Variants in ENTREP2 observed in about 807,000 individuals in gnomAD.
The protein encoded by ENTREP2 is endosomal transmembrane epsin interactor 2.
At chr15:29,670,333 G>A in the ENTREP2 span, among the ~76,000 whole-genome samples, 2 of 152,172 alleles carry the variant, frequency 1.3e-5, no homozygotes, top group Non-Finnish European at 2.9e-5. Context: ...CTCTGGGGCA[G>A]GACGCATGAA....
chr15:29,285,112 A>G, the ENTREP2 span, among the ~76,000 whole-genome samples: 35 of 152,146 alleles, frequency 2.3e-4, no homozygotes, highest in African/African-American at 8.5e-4. Flanking sequence ...GCTGGTAATT[A>G]AGCTACGTTT....
chr15:29,188,906 C>T, the ENTREP2 span, among the ~76,000 whole-genome samples: 5 of 152,210 alleles, frequency 3.3e-5, no homozygotes, highest in Admixed American at 6.5e-5. Flanking sequence ...AGAGCTTCTG[C>T]GTCAGCGAAC....
chr15:29,368,002 CAA>C, the ENTREP2 span, among the ~76,000 whole-genome samples: 78 of 98,934 alleles, frequency 7.9e-4, no homozygotes, highest in Middle Eastern at 6.2e-3. Context: ...CATATTCAGG[CAA>C]AAAAAAAAAA....
the ENTREP2 span, among the ~76,000 whole-genome samples, chr15:29,673,696 C>T: frequency 6.6e-6 from 1 of 152,166 alleles, no homozygotes; most frequent in African/African-American, 2.4e-5. Flanking sequence ...AGTGTAGTCC[C>T]CAGGCAAGAA....
At chr15:29,493,565 TATG>T in the ENTREP2 span, among the ~76,000 whole-genome samples, 1 of 150,836 alleles carries the variant, frequency 6.6e-6, no homozygotes, top group Non-Finnish European at 1.5e-5. Flanking sequence ...TGCAGTGAGC[TATG>T]ATAACACCAC....
the ENTREP2 span, chr15:29,233,714 A>T: frequency 3.8e-6 from 5 of 1,320,278 alleles, no homozygotes; most frequent in African/African-American, 7.2e-5. Flanking sequence ...TTGCTCATCA[A>T]GTTACATGGA....
chr15:29,234,046 T>C, the ENTREP2 span: 4 of 1,460,770 alleles, frequency 2.7e-6, no homozygotes, highest in Non-Finnish European at 3.8e-6. Context: ...TTCCTCATCC[T>C]CTATTGCTTT....
At chr15:29,621,132 G>A in the ENTREP2 span, among the ~76,000 whole-genome samples, 3 of 151,978 alleles carry the variant, frequency 2.0e-5, no homozygotes, top group Non-Finnish European at 2.9e-5. Context: ...GCTCATGCCT[G>A]TAATCCCAGC....
At chr15:29,466,093 G>A in the ENTREP2 span, among the ~76,000 whole-genome samples, 5 of 152,200 alleles carry the variant, frequency 3.3e-5, no homozygotes, top group African/African-American at 1.2e-4. Context: ...GAAGCTGGAA[G>A]CATATGGTTT....
At chr15:29,547,496 C>T in the ENTREP2 span, among the ~76,000 whole-genome samples, 1 of 152,144 alleles carries the variant, frequency 6.6e-6, no homozygotes, top group Non-Finnish European at 1.5e-5. Flanking sequence ...CATCATTCAT[C>T]ATTAGGGAAA....
chr15:29,306,590 T>A, the ENTREP2 span, among the ~76,000 whole-genome samples: 1 of 151,950 alleles, frequency 6.6e-6, no homozygotes, highest in Non-Finnish European at 1.5e-5. Flanking sequence ...GCCAGGTTTT[T>A]ACACTTGTTT....
the ENTREP2 span, among the ~76,000 whole-genome samples, chr15:29,548,133 T>C: frequency 6.6e-6 from 1 of 152,110 alleles, no homozygotes; most frequent in Admixed American, 6.6e-5. Context: ...ACAGTGTGAA[T>C]ATACTTAACA....
At chr15:29,415,759 T>C in the ENTREP2 span, among the ~76,000 whole-genome samples, 7 of 152,194 alleles carry the variant, frequency 4.6e-5, no homozygotes, top group African/African-American at 1.7e-4. Context: ...CCCCGTCGTC[T>C]CAGCCCACAA....
At chr15:29,160,395 G>A in the ENTREP2 span, among the ~76,000 whole-genome samples, 1 of 152,152 alleles carries the variant, frequency 6.6e-6, no homozygotes, top group Non-Finnish European at 1.5e-5. Context: ...GAGGCACCGA[G>A]AGCCAGGGAA....
the ENTREP2 span, among the ~76,000 whole-genome samples, chr15:29,483,677 C>T: frequency 6.0e-3 from 913 of 152,286 alleles, 11 homozygotes; most frequent in African/African-American, 0.019. Context: ...ACTACACTAT[C>T]CTGATTAAGT....
the ENTREP2 span, chr15:29,136,289 G>T: frequency 7.1e-7 from 1 of 1,403,106 alleles, no homozygotes; most frequent in Non-Finnish European, 9.3e-7. Context: ...GGTGTGAGGT[G>T]CCTTCCGAGG....
the ENTREP2 span, among the ~76,000 whole-genome samples, chr15:29,460,733 A>G: frequency 2.5e-4 from 38 of 152,346 alleles, no homozygotes; most frequent in South Asian, 6.2e-3. Flanking sequence ...AGCAATAACA[A>G]AAAGATTATT....
At chr15:29,241,803 C>A in the ENTREP2 span, among the ~76,000 whole-genome samples, 7 of 152,098 alleles carry the variant, frequency 4.6e-5, no homozygotes, top group Non-Finnish European at 8.8e-5. Flanking sequence ...GAGGCTAAGG[C>A]CGGAGGATCA....
the ENTREP2 span, among the ~76,000 whole-genome samples, chr15:29,286,167 C>G: frequency 5.9e-3 from 895 of 152,206 alleles, 19 homozygotes; most frequent in Admixed American, 0.037. Flanking sequence ...CATCATTTTA[C>G]TGGAAGTCTC....
Sources: allele counts gnomAD v4.1 joint callset (sites outside exome capture counted in the v4.1 genomes callset), GRCh38; gene constraint gnomAD v4.1.1; transcripts MANE v1.5; gene names NCBI Gene and HGNC (gene_info 2026-07-23, HGNC 2026-07-21).